Variants in SHB observed in about 807,000 individuals in gnomAD.
SHB encodes SH2 domain containing adaptor protein B.
In SHB, 20 loss-of-function variants were observed where a neutral mutation model predicts 52.3. The ratio of observed to expected loss-of-function variants is 0.38; its 90% confidence interval spans 0.27 to 0.56. The LOEUF is 0.56. Among genes scored for constraint, SHB ranks in the 20% least tolerant of loss-of-function variants. SHB has a pLI of 0.71. For synonymous variants in SHB, 397 were observed against 316.5 expected (o/e 1.25, Z -2.70); for missense variants, 825 against 723.3 (o/e 1.14, Z -1.61).
chr9:37,993,523 C>T (rs1489274426), intron 2 of SHB, among the ~76,000 whole-genome samples: 3 of 151,900 alleles, frequency 2.0e-5, no homozygotes, highest in East Asian at 3.9e-4. Flanking sequence ...CAAACCTGCA[C>T]GTTGTGCACA....
At chr9:37,939,771 A>G (rs139157779) in intron 5 of SHB, among the ~76,000 whole-genome samples, 154 of 152,314 alleles carry the variant, frequency 1.0e-3, no homozygotes, top group African/African-American at 2.7e-3. Flanking sequence ...CTCTTTACTC[A>G]TTAACTGTGA....
At chr9:38,041,970 T>C (rs1274656778) in intron 1 of SHB, among the ~76,000 whole-genome samples, 2 of 152,228 alleles carry the variant, frequency 1.3e-5, no homozygotes, top group African/African-American at 4.8e-5. Flanking sequence ...TTTCTGAATA[T>C]TAATCTCATG....
At chr9:37,987,113 G>A (rs1172843777) in intron 2 of SHB, among the ~76,000 whole-genome samples, 2 of 152,228 alleles carry the variant, frequency 1.3e-5, no homozygotes, top group African/African-American at 4.8e-5. Context: ...GAACCTCACA[G>A]AGCGAACCTC....
chr9:38,017,725 G>T (rs999309980), intron 1 of SHB, among the ~76,000 whole-genome samples: 1 of 152,212 alleles, frequency 6.6e-6, no homozygotes, highest in African/African-American at 2.4e-5. Flanking sequence ...GTCCCAGTGG[G>T]GACCCAGTAG....
intron 2 of SHB, among the ~76,000 whole-genome samples, chr9:38,012,566 C>T (rs920149386): frequency 2.0e-4 from 31 of 151,994 alleles, no homozygotes; most frequent in Non-Finnish European, 1.6e-4. Context: ...TGCCCATCGT[C>T]GCACAGCCAG....
intron 1 of SHB, among the ~76,000 whole-genome samples, chr9:38,064,389 G>T (rs1821934375): frequency 6.6e-6 from 1 of 151,980 alleles, no homozygotes; most frequent in Non-Finnish European, 1.5e-5. Context: ...CCCAAACAAG[G>T]CCCAGCTGCA....
chr9:37,948,870 T>TG, intron 4 of SHB, 116 bp from the exon 5 acceptor site: 1 of 1,362,100 alleles, frequency 7.3e-7, no homozygotes, highest in South Asian at 1.3e-5. Context: ...AGGCATGCAC[T>TG]GGTTCATTCC....
At chr9:38,049,260 C>T (rs886859818) in intron 1 of SHB, among the ~76,000 whole-genome samples, 6 of 152,176 alleles carry the variant, frequency 3.9e-5, no homozygotes, top group African/African-American at 1.4e-4. Context: ...CCTCCTGCCT[C>T]GGCCTCCCAA....
intron 1 of SHB, among the ~76,000 whole-genome samples, chr9:38,063,542 A>G (rs1331814942): frequency 6.6e-6 from 1 of 152,236 alleles, no homozygotes; most frequent in Non-Finnish European, 1.5e-5. Context: ...ACTCAGCTCA[A>G]GAGTGGCCTT....
chr9:38,006,290 G>C (rs1821075029), intron 2 of SHB, among the ~76,000 whole-genome samples: 1 of 152,182 alleles, frequency 6.6e-6, no homozygotes, highest in Admixed American at 6.5e-5. Flanking sequence ...GCTAGGCGCT[G>C]CAAGATTCCA....
intron 2 of SHB, among the ~76,000 whole-genome samples, chr9:37,995,123 G>A (rs565633518): frequency 6.6e-6 from 1 of 152,116 alleles, no homozygotes; most frequent in African/African-American, 2.4e-5. Flanking sequence ...TTCCTCACTC[G>A]AGAACAGGCT....
chr9:38,067,192 A>G (rs1587273192), intron 1 of SHB, among the ~76,000 whole-genome samples: 1 of 152,244 alleles, frequency 6.6e-6, no homozygotes, highest in East Asian at 1.9e-4. Context: ...GGGTGAGGTC[A>G]GGAAGGAAGC....
intron 4 of SHB, among the ~76,000 whole-genome samples, chr9:37,952,322 G>A (rs950768617): frequency 1.3e-5 from 2 of 152,206 alleles, no homozygotes; most frequent in Non-Finnish European, 2.9e-5. Context: ...GGAGCCAATC[G>A]TGAAGAGCCA....
At chr9:37,944,132 G>A (rs979967448) in intron 5 of SHB, among the ~76,000 whole-genome samples, 1 of 152,216 alleles carries the variant, frequency 6.6e-6, no homozygotes, top group Non-Finnish European at 1.5e-5. Flanking sequence ...AGGGGATGAG[G>A]AAAGTGTTCA....
At chr9:38,026,701 G>A (rs1303678609) in intron 1 of SHB, among the ~76,000 whole-genome samples, 2 of 152,332 alleles carry the variant, frequency 1.3e-5, no homozygotes, top group South Asian at 2.1e-4. Flanking sequence ...TCTTTCTCCT[G>A]TGCCGTCATC....
chr9:37,916,701 G>A lies in SHB; in HGVS notation c.*3120C>T, dbSNP rs1832103789. Among the ~76,000 whole-genome samples the A allele has an allele frequency of 6.6e-6, 1 of 152,228 alleles. No homozygotes were observed. The highest frequency in any genetic ancestry group is 2.4e-5 in the African/African-American group (1 of 41,462). Reference sequence around the variant, plus strand: ...GCTGTGAGCCTCTCTCCAGGAGAGGGTGTCAGCCTGGGCCATTCTTCTGAC... The same window carrying A: ...GCTGTGAGCCTCTCTCCAGGAGAGGATGTCAGCCTGGGCCATTCTTCTGAC... On this transcript the variant is annotated 3_prime_UTR_variant, in exon 6 of 6. Transcript: ENST00000377707.
chr9:37,997,049 G>A (rs1031556550), intron 2 of SHB, among the ~76,000 whole-genome samples: 1 of 152,178 alleles, frequency 6.6e-6, no homozygotes, highest in Admixed American at 6.5e-5. Context: ...GCAGGAGGTG[G>A]GTGGGAGCAG....
At position 37,951,093 on chromosome 9, in the gene SHB, A is replaced by C. The variant is rs556406152; in HGVS notation, c.1227-2339T>G. On this transcript the variant is annotated intron_variant, in intron 4 of 5. Transcript: ENST00000377707. ...CTCAACAGTTAGTAGCAGTGGCCACAGCAAAATTAAAACCCTAAGAAAAAA... is the reference window on the plus strand; with the variant it reads ...CTCAACAGTTAGTAGCAGTGGCCACCGCAAAATTAAAACCCTAAGAAAAAA... 2.6e-5 allele frequency among the ~76,000 whole-genome samples: 4 copies of C among 152,306 alleles called. No homozygotes were observed. The East Asian group carries it at 5.8e-4, about 22-fold the overall frequency.
At chr9:38,000,900 A>G (rs954815667) in intron 2 of SHB, among the ~76,000 whole-genome samples, 2 of 152,154 alleles carry the variant, frequency 1.3e-5, no homozygotes, top group African/African-American at 2.4e-5. Context: ...TGACTTCGGG[A>G]AAGTCCCTTA....
Sources: allele counts gnomAD v4.1 joint callset (sites outside exome capture counted in the v4.1 genomes callset), GRCh38; gene constraint gnomAD v4.1.1; transcripts MANE v1.5; gene names NCBI Gene and HGNC (gene_info 2026-07-23, HGNC 2026-07-21).